The following TRPM6 variants were observed in gnomAD, a reference collection of about 807,000 sequenced individuals.
TRPM6 encodes the protein transient receptor potential cation channel subfamily M member 6, also known as channel kinase 2.
Under a neutral mutation model 247.6 loss-of-function variants are expected in TRPM6, and 111 were observed. The observed-to-expected ratio is 0.45, with a 90% CI of 0.38 to 0.52. The LOEUF is 0.52. TRPM6 is among the 20% of genes least tolerant of loss of function. TRPM6 has a pLI of 0.00. For synonymous variants in TRPM6, 892 were observed against 853.8 expected, an observed-to-expected ratio of 1.04 and a Z score of -0.78; for missense variants, 2,126 against 2,421.5, an observed-to-expected ratio of 0.88 and a Z score of 2.56.
intron 3 of TRPM6, among the ~76,000 whole-genome samples, chr9:74,843,095 C>T (rs911498740): frequency 1.3e-5 from 2 of 152,158 alleles, no homozygotes; most frequent in African/African-American, 2.4e-5. Flanking sequence ...ATTCTAAATC[C>T]TTTGTTGTCG....
chr9:74,832,029 T>C (rs561026364), intron 6 of TRPM6, among the ~76,000 whole-genome samples: 4 of 152,266 alleles, frequency 2.6e-5, no homozygotes, highest in African/African-American at 9.6e-5. Context: ...GCTAACATTA[T>C]AAAAAGAGAG....
At chr9:74,805,374 A>G (rs1224674801) in intron 14 of TRPM6, among the ~76,000 whole-genome samples, 1 of 152,190 alleles carries the variant, frequency 6.6e-6, no homozygotes, top group Non-Finnish European at 1.5e-5. Flanking sequence ...CCACTAGATA[A>G]TCTGCCCACA....
chr9:74,850,395 G>A (rs1830260673), intron 3 of TRPM6, among the ~76,000 whole-genome samples: 1 of 150,844 alleles, frequency 6.6e-6, no homozygotes, highest in African/African-American at 2.4e-5. Context: ...ACCAGAACAA[G>A]CGCAGGTGAT....
At position 74,752,360 on chromosome 9, in the gene TRPM6, G is replaced by A. The variant is rs1406453255; in HGVS notation, c.4915C>T (p.Pro1639Ser). The A allele has an allele frequency of 5.1e-6, 8 of 1,557,298 alleles. No individual in the cohort carries two copies. The highest frequency in any genetic ancestry group is 2.7e-5 in the African/African-American group (2 of 73,930). ...GTTTTCATTTTCTGATGTATGTAAG[G>A]TTCTACACCTTGTAAAGAGGAAGAG... ...VSKFSHTGVEPYIHQKMKTKE... is the reference protein window; with the variant it reads ...VSKFSHTGVESYIHQKMKTKE... Residue 1639 changes from proline to serine, a missense_variant, in exon 29 of 39, where the codon CCT becomes TCT. Physicochemically the swap from Pro to Ser is moderately conservative, Grantham distance 74. Transcript: ENST00000360774.
At chr9:74,771,905 C>T (rs1827058852) in intron 24 of TRPM6, 70 bp from the exon 25 acceptor site, 11 of 1,438,308 alleles carry the variant, frequency 7.6e-6, no homozygotes, top group Admixed American at 1.7e-5. Context: ...TTTTCTTCCA[C>T]TTGTATTGAA....
At chr9:74,830,757 T>TG (rs1564034471) in intron 6 of TRPM6, among the ~76,000 whole-genome samples, 1 of 137,262 alleles carries the variant, frequency 7.3e-6, no homozygotes. Flanking sequence ...TTGTTTTTTT[T>TG]TTTTTTTTTT....
At chr9:74,729,376 A>C (rs1193565031) in intron 37 of TRPM6, among the ~76,000 whole-genome samples, 1 of 152,222 alleles carries the variant, frequency 6.6e-6, no homozygotes, top group Admixed American at 6.5e-5. Context: ...TGAAACATTT[A>C]TCTCAATTTC....
intron 23 of TRPM6, 103 bp from the exon 24 acceptor site, chr9:74,776,179 C>T (rs747109710): frequency 1.5e-5 from 15 of 979,092 alleles, no homozygotes; most frequent in African/African-American, 9.5e-5. Context: ...CTGACATTAC[C>T]GGCAGTTACC....
At chr9:74,836,749 T>C (rs1175475977) in intron 5 of TRPM6, among the ~76,000 whole-genome samples, 3 of 152,224 alleles carry the variant, frequency 2.0e-5, no homozygotes, top group South Asian at 4.1e-4. Context: ...TTGCAGTCCC[T>C]GTCCCCTGCC....
At chr9:74,855,332 T>C (rs532148180) in intron 3 of TRPM6, among the ~76,000 whole-genome samples, 195 bp downstream of exon 3, 2 of 152,232 alleles carry the variant, frequency 1.3e-5, no homozygotes, top group Non-Finnish European at 2.9e-5. Flanking sequence ...CCAATTTACA[T>C]GTCTCAGTAA....
chr9:74,733,968 T>A (rs1216901480), intron 36 of TRPM6, among the ~76,000 whole-genome samples: 3 of 152,218 alleles, frequency 2.0e-5, no homozygotes, highest in African/African-American at 7.2e-5. Flanking sequence ...CTTTGAGATG[T>A]ATGCTTATGG....
At chr9:74,876,765 T>C (rs80191588) in intron 1 of TRPM6, among the ~76,000 whole-genome samples, 3,228 of 152,216 alleles carry the variant, frequency 0.021, 130 homozygotes, top group African/African-American at 0.075. Flanking sequence ...TGAGACTAAC[T>C]ATATAAAACG....
intron 16 of TRPM6, 77 bp from the exon 17 acceptor site, chr9:74,800,559 A>G (rs1587520491): frequency 2.0e-6 from 2 of 1,010,662 alleles, no homozygotes; most frequent in East Asian, 4.9e-5. Flanking sequence ...TAGAACATTT[A>G]GAAACATTGT....
chr9:74,871,671 C>G (rs1831035521), intron 1 of TRPM6, among the ~76,000 whole-genome samples: 1 of 152,052 alleles, frequency 6.6e-6, no homozygotes, highest in African/African-American at 2.4e-5. Flanking sequence ...ACATTCCCCT[C>G]CATAGAGAGG....
intron 1 of TRPM6, chr9:74,887,561 C>G: frequency 6.8e-7 from 1 of 1,461,272 alleles, no homozygotes; most frequent in South Asian, 1.2e-5. Context: ...CTGACACCAC[C>G]TCCGCTATGG....
chr9:74,739,820 G>T lies in TRPM6; in HGVS notation c.5390C>A (p.Pro1797Gln), dbSNP rs772763308. The change falls in exon 34 of 39, where the codon CCG becomes CAG. Residue 1797 changes from proline to glutamine, a missense_variant. Pro to Gln is a moderately conservative substitution (Grantham distance 76, BLOSUM62 -1). Around this residue, in one of 3 missense-constraint regions of TRPM6, gnomAD observed 327 missense variants for 397.7 expected, o/e 0.82. Coordinates refer to ENST00000360774, the MANE Select transcript of TRPM6 (RefSeq NM_017662.5). ...STWSEDDILK[P>Q]GQVFIVKSFL... ...GGACTTGACAATGAAAACTTGTCCCGGCTTGAGAATGTCATCCTCAGACCA... is the reference window on the plus strand; with the variant it reads ...GGACTTGACAATGAAAACTTGTCCCTGCTTGAGAATGTCATCCTCAGACCA... The T allele has an allele frequency of 4.3e-6, 7 of 1,614,040 alleles. No homozygotes were observed. The highest frequency in any genetic ancestry group is 3.3e-5 in the South Asian group (3 of 91,068).
chr9:74,792,586 A>G (rs371873692), intron 19 of TRPM6, 38 bp downstream of exon 19: 1 of 1,603,980 alleles, frequency 6.2e-7, no homozygotes, highest in Non-Finnish European at 8.5e-7. Flanking sequence ...GCTATCAATC[A>G]TCATTAATCC....
In TRPM6 at chr9:74,812,402, G is replaced by A; in HGVS notation, c.1340C>T (p.Ala447Val). Residue 447 changes from alanine to valine, a missense_variant, in exon 12 of 39, where the codon GCT becomes GTT. By Grantham distance (64) the Ala-to-Val change is moderately conservative. Around this residue, in one of 3 missense-constraint regions of TRPM6, gnomAD observed 1,082 missense variants for 1,307.9 expected, o/e 0.83. Coordinates refer to ENST00000360774, the MANE Select transcript of TRPM6 (RefSeq NM_017662.5). ...AAAATCCACCCGATCCATCACTAAA[G>A]CATCTGACATTGCTTGTTCCAGGGC... ...PDALEQAMSDALVMDRVDFVK... is the reference protein window; with the variant it reads ...PDALEQAMSDVLVMDRVDFVK... 6.2e-7 allele frequency: 1 copy of A among 1,614,000 alleles called. No individual in the cohort carries two copies. Among genetic ancestry groups the A allele is most frequent in the East Asian group, 2.2e-5 (1 of 44,872 alleles).
rs1161401022 is a variant in TRPM6, at chr9:74,818,293, C to CTTTTTT, written c.1135-1335_1135-1330dup. On this transcript the variant is annotated intron_variant, in intron 9 of 38. Coordinates refer to ENST00000360774, the MANE Select transcript of TRPM6 (RefSeq NM_017662.5). ...AACTCACGTTTCAGATCTATCATTT[C>CTTTTTT]TTTTTTTTTTTTTTTTTTTTTTTTT... 3.1e-3 allele frequency among the ~76,000 whole-genome samples: 221 copies of CTTTTTT among 72,016 alleles called. 24 individuals are homozygous for CTTTTTT. The highest frequency in any genetic ancestry group is 0.012 in the African/African-American group (202 of 16,316). 47.2% of individuals were successfully genotyped at this position (72,016 alleles called of 152,430 possible).
Sources: gnomAD v4.1 joint callset for allele counts (sites outside exome capture counted in the v4.1 genomes callset) on GRCh38, gnomAD v4.1.1 for gene constraint, gnomAD v4.1.1 regional missense constraint, MANE v1.5 for transcripts, NCBI Gene and HGNC (gene_info 2026-07-23, HGNC 2026-07-21) for gene names.